PDE11A: variants seen among roughly 807,000 people sequenced by gnomAD.
PDE11A encodes the protein phosphodiesterase 11A.
A neutral mutation model predicts 100.5 loss-of-function variants in PDE11A; 100 were observed. The ratio of observed to expected loss-of-function variants is 1.00; its 90% CI spans 0.85 to 1.18. The LOEUF is 1.18. Ranked by LOEUF, PDE11A falls within the 50% of genes most tolerant of loss-of-function variation. PDE11A has a pLI of 0.00. For synonymous variants in PDE11A, 381 were observed against 420.8 expected, an observed-to-expected ratio of 0.91 and a Z score of 1.16; for missense variants, 1,141 against 1,152.6, an observed-to-expected ratio of 0.99 and a Z score of 0.15.
At chr2:177,872,737 G>GA (rs1379553442) in intron 5 of PDE11A, among the ~76,000 whole-genome samples, 1 of 152,108 alleles carries the variant, frequency 6.6e-6, no homozygotes, top group Non-Finnish European at 1.5e-5. Context: ...AAGGTTAAAG[G>GA]AAAGATCAGA....
intron 9 of PDE11A, among the ~76,000 whole-genome samples, chr2:177,784,831 T>C (rs2082507842): frequency 6.6e-6 from 1 of 152,218 alleles, no homozygotes; most frequent in African/African-American, 2.4e-5. Context: ...CTACATAGTT[T>C]TGAGCACAGA....
chr2:177,827,008 G>A (rs1452947621), intron 6 of PDE11A, among the ~76,000 whole-genome samples: 2 of 152,202 alleles, frequency 1.3e-5, no homozygotes, highest in Non-Finnish European at 2.9e-5. Context: ...AGGTGTTACA[G>A]AGAATAGAGA....
intron 4 of PDE11A, among the ~76,000 whole-genome samples, chr2:177,877,196 A>G (rs1200656583): frequency 7.0e-6 from 1 of 142,376 alleles, no homozygotes; most frequent in East Asian, 2.0e-4. Context: ...ACAGGTTCTC[A>G]CTCTGTCGCA....
At chr2:177,764,229 T>C (rs1032619177) in intron 10 of PDE11A, among the ~76,000 whole-genome samples, 3 of 152,196 alleles carry the variant, frequency 2.0e-5, no homozygotes, top group Non-Finnish European at 2.9e-5. Context: ...GGATATTAAT[T>C]TGTGGCCTAG....
chr2:177,838,344 A>G (rs3915272), intron 6 of PDE11A, among the ~76,000 whole-genome samples: 80,968 of 151,712 alleles, frequency 0.53, 24,021 homozygotes, highest in East Asian at 0.74. Flanking sequence ...GTCTGTCTAC[A>G]TAATCATATA....
At chr2:177,933,334 A>T (rs1197855021) in intron 2 of PDE11A, among the ~76,000 whole-genome samples, 1 of 152,118 alleles carries the variant, frequency 6.6e-6, no homozygotes, top group Non-Finnish European at 1.5e-5. Flanking sequence ...CTAGGCTAAA[A>T]TTCATATGGA....
intron 19 of PDE11A, among the ~76,000 whole-genome samples, chr2:177,649,422 A>G (rs1165170566): frequency 6.6e-6 from 1 of 152,192 alleles, no homozygotes; most frequent in East Asian, 1.9e-4. Flanking sequence ...TTTAAAATCT[A>G]ATACTATGCA....
chr2:177,645,884 G>C (rs1389810385), intron 19 of PDE11A, among the ~76,000 whole-genome samples: 1 of 152,114 alleles, frequency 6.6e-6, no homozygotes, highest in Non-Finnish European at 1.5e-5. Flanking sequence ...TTTTCCCCAA[G>C]ATTTGAAGCA....
At chr2:177,719,543 T>C (rs1293619767) in intron 12 of PDE11A, among the ~76,000 whole-genome samples, 10 of 152,096 alleles carry the variant, frequency 6.6e-5, no homozygotes, top group Non-Finnish European at 1.3e-4. Context: ...GCTCAGACAA[T>C]TCCAAGGGGT....
At chr2:177,815,352 T>C (rs1285868481) in intron 9 of PDE11A, among the ~76,000 whole-genome samples, 1 of 152,192 alleles carries the variant, frequency 6.6e-6, no homozygotes, top group East Asian at 1.9e-4. Flanking sequence ...AGATCCAGGA[T>C]TTGAAAATAG....
chr2:178,082,675 G>T (rs1021481982), intron 2 of PDE11A, among the ~76,000 whole-genome samples: 1 of 152,200 alleles, frequency 6.6e-6, no homozygotes, highest in Non-Finnish European at 1.5e-5. Context: ...GTCCCTTCGT[G>T]GGGCCCACGT....
chr2:178,101,497 C>T (rs1440035482), intron 2 of PDE11A, among the ~76,000 whole-genome samples: 3 of 152,148 alleles, frequency 2.0e-5, no homozygotes, highest in Non-Finnish European at 4.4e-5. Flanking sequence ...GAATCACTGG[C>T]CATGTGACTG....
chr2:177,712,714 G>C (rs2081374513), intron 12 of PDE11A, among the ~76,000 whole-genome samples: 1 of 152,284 alleles, frequency 6.6e-6, no homozygotes, highest in South Asian at 2.1e-4. Context: ...AGAAGAGGAA[G>C]TGGACCTCTG....
chr2:178,015,552 CA>C lies in PDE11A; in HGVS notation c.913-1093del, dbSNP rs368511932. ...TTTACTAGAAATTCCGAAAATTCCA[CA>C]AAGGATATTTCTGGAGGGACAATTG... On this transcript the variant is annotated intron_variant, in intron 1 of 19. Transcript: ENST00000286063. 4.6e-3 allele frequency among the ~76,000 whole-genome samples: 703 copies of C among 152,198 alleles called. 11 individuals carry two copies. Among genetic ancestry groups the C allele is most frequent in the African/African-American group, 0.016 (658 of 41,540 alleles).
At position 177,905,125 on chromosome 2, in the gene PDE11A, G is replaced by C. The variant is rs1395210003; in HGVS notation, c.1134C>G (p.Ala378=). ...IAISNAQLFA[A]SRKEYERSRA... ...TGCTTCTTTCATATTCTTTCCTTGA[G>C]GCAGCAAAGAGCTGAGCGTTAGATA... Residue 378 remains alanine (A), a synonymous_variant, in exon 3 of 20, where the codon GCC becomes GCG. Coordinates refer to ENST00000286063, the MANE Select transcript of PDE11A (RefSeq NM_016953.4). 7 of 1,603,132 alleles carry C rather than the reference G, an allele frequency of 4.4e-6. No individual in the cohort carries two copies. The African/African-American group carries it at 9.4e-5, about 21-fold the overall frequency.
In PDE11A at chr2:177,795,999, G is replaced by A. The variant is rs143591258; in HGVS notation, c.1737+20830C>T. On this transcript the variant is annotated intron_variant, in intron 9 of 19. Transcript: ENST00000286063. ...TATCTTTGCTTTAAGATGCCAGTAT[G>A]GGGCTTATGATCTAGAGTGGAGAGA... is the stretch of plus-strand genomic sequence containing the variant. Among the ~76,000 whole-genome samples the A allele has an allele frequency of 3.0e-3, 403 of 134,696 alleles. 4 individuals are homozygous for A. The East Asian group carries it at 0.043, about 14-fold the overall frequency. 88.4% of individuals were successfully genotyped at this position (134,696 alleles called of 152,430 possible).
At chr2:177,672,578 TGTACAATTATAACTAA>T (rs1274323908) in intron 17 of PDE11A, among the ~76,000 whole-genome samples, 1 of 152,154 alleles carries the variant, frequency 6.6e-6, no homozygotes, top group Admixed American at 6.6e-5. Flanking sequence ...CAAAATAATT[TGTACAATTATAACTAA>T]AAGCTAACAA....
intron 6 of PDE11A, among the ~76,000 whole-genome samples, chr2:177,837,985 AG>A (rs893741516): frequency 4.6e-5 from 7 of 152,254 alleles, no homozygotes; most frequent in Admixed American, 3.9e-4. Context: ...TTCTGGAAAA[AG>A]GTTTCTTCTC....
chr2:177,883,077 T>A (rs1429619656), intron 4 of PDE11A, among the ~76,000 whole-genome samples: 2 of 152,068 alleles, frequency 1.3e-5, no homozygotes, highest in Non-Finnish European at 2.9e-5. Context: ...GAGACCAGCA[T>A]GACCAACATG....
Sources: gnomAD v4.1 joint callset for allele counts (sites outside exome capture counted in the v4.1 genomes callset) on GRCh38, gnomAD v4.1.1 for gene constraint, MANE v1.5 for transcripts, NCBI Gene and HGNC (gene_info 2026-07-23, HGNC 2026-07-21) for gene names.